Variants in ARHGAP10 observed in about 807,000 individuals in gnomAD.
ARHGAP10 encodes the protein Rho GTPase activating protein 10.
In ARHGAP10, 87 loss-of-function variants were observed where a neutral mutation model predicts 108.6. That is an observed-to-expected ratio of 0.80 (90% CI 0.67 to 0.96). The LOEUF (loss-of-function observed/expected upper bound fraction) is 0.96. Among genes scored for constraint, ARHGAP10 ranks in the 40% least tolerant of loss-of-function variants. The pLI is 0.00. For missense variants in ARHGAP10, 939 were observed against 954.5 expected (o/e 0.98, Z 0.21); for synonymous variants, 347 against 341.1 (o/e 1.02, Z -0.19).
intron 20 of ARHGAP10, among the ~76,000 whole-genome samples, chr4:148,059,778 G>T (rs1245918597): frequency 2.6e-5 from 4 of 152,164 alleles, no homozygotes; most frequent in Non-Finnish European, 5.9e-5. Flanking sequence ...GGCAGAAGGC[G>T]TGGGACTCGC....
At chr4:147,791,493 C>T (rs990818563) in intron 1 of ARHGAP10, among the ~76,000 whole-genome samples, 2 of 152,154 alleles carry the variant, frequency 1.3e-5, no homozygotes, top group Non-Finnish European at 2.9e-5. Flanking sequence ...AAAAACCTAA[C>T]ATATAGCATT....
chr4:147,977,195 A>G (rs1193150882), intron 18 of ARHGAP10, among the ~76,000 whole-genome samples: 2 of 152,204 alleles, frequency 1.3e-5, no homozygotes, highest in African/African-American at 4.8e-5. Flanking sequence ...ATATCACCCT[A>G]TTCTTCATTG....
chr4:147,820,725 G>T (rs1014468284), intron 1 of ARHGAP10, among the ~76,000 whole-genome samples: 4 of 150,178 alleles, frequency 2.7e-5, no homozygotes, highest in East Asian at 2.0e-4. Context: ...CAAGTAGCTG[G>T]TATTAAAGGC....
chr4:147,811,921 T>G (rs1364133440), intron 1 of ARHGAP10, among the ~76,000 whole-genome samples: 1 of 152,120 alleles, frequency 6.6e-6, no homozygotes, highest in Non-Finnish European at 1.5e-5. Context: ...CAAGGGAGGG[T>G]GTAAGCAAGG....
intron 7 of ARHGAP10, among the ~76,000 whole-genome samples, chr4:147,870,942 G>A (rs1046702347): frequency 9.6e-6 from 1 of 104,026 alleles, no homozygotes; most frequent in East Asian, 3.5e-4. Context: ...GTGTGTGTGT[G>A]TGTGTGTGTG....
chr4:148,047,065 C>T lies in ARHGAP10; in HGVS notation c.2027+14C>T. On this transcript the variant is annotated intron_variant, in intron 20 of 22. Coordinates refer to ENST00000336498, the MANE Select transcript of ARHGAP10 (RefSeq NM_024605.4). ...GGCATCCACTATGTAAGTAACCGTG[C>T]TTCTGTTGGGTGCTGAAGGGTGGAA... 2 of 1,613,684 alleles carry T rather than the reference C, an allele frequency of 1.2e-6. No individual in the cohort carries two copies. The highest frequency in any genetic ancestry group is 1.7e-6 in the Non-Finnish European group (2 of 1,179,800).
rs374614012 is a variant in ARHGAP10, at chr4:147,998,916, C to T, written c.1717-24347C>T. Among the ~76,000 whole-genome samples, 8 of 152,124 alleles carry T rather than the reference C, an allele frequency of 5.3e-5. No homozygotes were observed. The East Asian group carries it at 7.7e-4, about 15-fold the overall frequency. On this transcript the variant is annotated intron_variant, in intron 18 of 22. Transcript: ENST00000336498. ...GACTTACTATTTCTATTAACTATTGCCCTGGAAGAACTAGACAAGAAGAGA... is the reference window on the plus strand; with the variant it reads ...GACTTACTATTTCTATTAACTATTGTCCTGGAAGAACTAGACAAGAAGAGA...
At chr4:147,990,593 A>G (rs1165497298) in intron 18 of ARHGAP10, among the ~76,000 whole-genome samples, 2 of 152,208 alleles carry the variant, frequency 1.3e-5, no homozygotes, top group Admixed American at 6.5e-5. Context: ...CATATACACC[A>G]TGGAGTACTA....
intron 13 of ARHGAP10, chr4:147,916,759 G>A (rs537522865): frequency 1.3e-5 from 2 of 152,178 alleles, no homozygotes; most frequent in Non-Finnish European, 2.9e-5. Flanking sequence ...GTATAGCTGC[G>A]GGGGCATATC....
chr4:147,771,385 A>G (rs145634775), intron 1 of ARHGAP10, among the ~76,000 whole-genome samples: 2 of 152,332 alleles, frequency 1.3e-5, no homozygotes, highest in Non-Finnish European at 2.9e-5. Context: ...ATATTTTGAT[A>G]CAGGCATGCA....
chr4:147,814,081 G>A (rs1269280512), intron 1 of ARHGAP10, among the ~76,000 whole-genome samples: 3 of 152,064 alleles, frequency 2.0e-5, no homozygotes, highest in East Asian at 3.9e-4. Context: ...TATGCAACAC[G>A]GGCTGGTGAT....
At chr4:147,887,536 T>C (rs1341604770) in intron 10 of ARHGAP10, among the ~76,000 whole-genome samples, 1 of 152,088 alleles carries the variant, frequency 6.6e-6, no homozygotes, top group Non-Finnish European at 1.5e-5. Context: ...AACATAACAA[T>C]TCTTCAAAAA....
intron 19 of ARHGAP10, among the ~76,000 whole-genome samples, chr4:148,039,921 A>T (rs907352002): frequency 2.0e-5 from 3 of 152,122 alleles, no homozygotes; most frequent in Non-Finnish European, 4.4e-5. Context: ...TCTCTATATT[A>T]CAAATCTCTA....
At chr4:147,964,999 TTTA>T (rs1739151064) in intron 16 of ARHGAP10, 22 bp from the exon 17 acceptor site, 11 of 1,474,794 alleles carry the variant, frequency 7.5e-6, no homozygotes, top group South Asian at 1.4e-5. Flanking sequence ...TATTTTTTTC[TTTA>T]TTATTATTTT....
At chr4:148,050,737 AC>A (rs1264492696) in intron 20 of ARHGAP10, among the ~76,000 whole-genome samples, 6 of 152,186 alleles carry the variant, frequency 3.9e-5, no homozygotes, top group African/African-American at 1.4e-4. Flanking sequence ...AATTAATCTT[AC>A]CATTTGCTCC....
intron 18 of ARHGAP10, among the ~76,000 whole-genome samples, chr4:148,011,877 A>G (rs1741181822): frequency 6.6e-6 from 1 of 152,110 alleles, no homozygotes. Context: ...TGGCTCCTTT[A>G]TGTTTATTAG....
chr4:147,751,529 A>G (rs1316734542), intron 1 of ARHGAP10, among the ~76,000 whole-genome samples: 1 of 151,140 alleles, frequency 6.6e-6, no homozygotes, highest in African/African-American at 2.4e-5. Flanking sequence ...ACGCCTGGCC[A>G]TTTTTTTTGT....
chr4:147,847,406 A>G (rs1377627109), intron 4 of ARHGAP10, among the ~76,000 whole-genome samples, 184 bp downstream of exon 4: 1 of 152,264 alleles, frequency 6.6e-6, no homozygotes, highest in African/African-American at 2.4e-5. Flanking sequence ...CACCTGGACA[A>G]GATGGTAAAA....
chr4:147,783,937 A>G (rs1489935784), intron 1 of ARHGAP10, among the ~76,000 whole-genome samples: 1 of 127,264 alleles, frequency 7.9e-6, no homozygotes, highest in Non-Finnish European at 1.6e-5. Flanking sequence ...TTATATTTAT[A>G]TAACACACAT....
Sources: gnomAD v4.1 joint callset for allele counts (sites outside exome capture counted in the v4.1 genomes callset) on GRCh38, gnomAD v4.1.1 for gene constraint, MANE v1.5 for transcripts, NCBI Gene and HGNC (gene_info 2026-07-23, HGNC 2026-07-21) for gene names.